Variants in HPSE2 observed in about 807,000 individuals in gnomAD.
The protein encoded by HPSE2 is heparanase 2 (inactive).
HPSE2 carries 38 observed loss-of-function variants against 60.5 expected under a neutral mutation model. That is an observed-to-expected ratio of 0.63 (90% CI 0.48 to 0.82). The LOEUF (loss-of-function observed/expected upper bound fraction) is 0.82, where lower values mean the gene tolerates loss of function less well. HPSE2 is among the 40% of genes least tolerant of loss of function. The probability of loss-of-function intolerance (pLI) is 0.00; values close to 1 mark genes in which losing one functional copy is unlikely to be tolerated. For missense variants in HPSE2, 713 were observed against 740.4 expected (o/e 0.96, Z 0.43); for synonymous variants, 295 against 293.2 (o/e 1.01, Z -0.06).
chr10:98,598,152 C>T (rs577231815), intron 9 of HPSE2, among the ~76,000 whole-genome samples: 21 of 151,480 alleles, frequency 1.4e-4, no homozygotes, highest in Non-Finnish European at 2.2e-4. Context: ...TTATATGTTA[C>T]CTGTTGCCTT....
At chr10:98,989,220 A>G (rs1466168536) in intron 3 of HPSE2, among the ~76,000 whole-genome samples, 1 of 152,208 alleles carries the variant, frequency 6.6e-6, no homozygotes, top group East Asian at 1.9e-4. Flanking sequence ...GGCACTATTC[A>G]CAACAGAAAA....
intron 2 of HPSE2, among the ~76,000 whole-genome samples, chr10:99,184,522 C>CAAAAAAAAAAAAAAA (rs200059066): frequency 2.1e-4 from 13 of 60,784 alleles, no homozygotes; most frequent in Admixed American, 4.0e-4. Context: ...GAGACTGTCT[C>CAAAAAAAAAAAAAAA]AAAAAAAAAA....
At chr10:99,121,796 T>C (rs967769136) in intron 3 of HPSE2, among the ~76,000 whole-genome samples, 1 of 152,142 alleles carries the variant, frequency 6.6e-6, no homozygotes, top group African/African-American at 2.4e-5. Flanking sequence ...ATCACACTTC[T>C]AGGAATTGTG....
At chr10:98,501,235 T>C (rs1480781169) in intron 9 of HPSE2, among the ~76,000 whole-genome samples, 1 of 151,578 alleles carries the variant, frequency 6.6e-6, no homozygotes, top group Non-Finnish European at 1.5e-5. Flanking sequence ...GGAAAGAACA[T>C]AACCAAAAAA....
the HPSE2 span, among the ~76,000 whole-genome samples, chr10:99,305,966 C>CGTGCGCGT: frequency 4.0e-5 from 4 of 100,890 alleles, no homozygotes; most frequent in African/African-American, 1.5e-4. Context: ...CACACACGCG[C>CGTGCGCGT]GCGCGCGCGC....
At chr10:98,560,469 C>A (rs11189677) in intron 9 of HPSE2, among the ~76,000 whole-genome samples, 3 of 152,060 alleles carry the variant, frequency 2.0e-5, no homozygotes, top group Admixed American at 2.0e-4. Context: ...GCCTGCCACT[C>A]CCTTGGGGAT....
At chr10:98,503,049 T>TAAA in intron 9 of HPSE2, among the ~76,000 whole-genome samples, 1 of 151,820 alleles carries the variant, frequency 6.6e-6, no homozygotes, top group African/African-American at 2.4e-5. Flanking sequence ...CCGTCTCTAT[T>TAAA]AAAAATACAA....
At chr10:99,279,660 A>G in the HPSE2 span, among the ~76,000 whole-genome samples, 1 of 152,250 alleles carries the variant, frequency 6.6e-6, no homozygotes, top group Non-Finnish European at 1.5e-5. Context: ...AGACAGAAGC[A>G]TTTAATAATC....
chr10:99,058,617 C>T (rs1450340562), intron 3 of HPSE2, among the ~76,000 whole-genome samples: 4 of 152,160 alleles, frequency 2.6e-5, no homozygotes, highest in Non-Finnish European at 4.4e-5. Flanking sequence ...ATACTGAGAT[C>T]CTCAGCTCTT....
intron 11 of HPSE2, among the ~76,000 whole-genome samples, chr10:98,469,282 G>A (rs1004767335): frequency 6.6e-6 from 1 of 152,178 alleles, no homozygotes; most frequent in Non-Finnish European, 1.5e-5. Flanking sequence ...AGTTTGGAAA[G>A]AAAATCTGAT....
intron 5 of HPSE2, among the ~76,000 whole-genome samples, chr10:98,711,604 A>T (rs574913935): frequency 6.7e-4 from 102 of 152,214 alleles, no homozygotes; most frequent in African/African-American, 2.3e-3. Context: ...AAAGAACAGA[A>T]CCTATTTCCC....
intron 3 of HPSE2, among the ~76,000 whole-genome samples, chr10:98,775,809 C>A (rs1271441359): frequency 6.6e-6 from 1 of 152,160 alleles, no homozygotes; most frequent in African/African-American, 2.4e-5. Context: ...AACTCACAGG[C>A]ATTTCAACTG....
intron 2 of HPSE2, among the ~76,000 whole-genome samples, chr10:99,218,347 G>C (rs1207240003): frequency 6.6e-6 from 1 of 151,652 alleles, no homozygotes; most frequent in Non-Finnish European, 1.5e-5. Flanking sequence ...TGGAAGGTGG[G>C]GGAGCATAGT....
chr10:99,239,963 T>C (rs1589858053), upstream of HPSE2, among the ~76,000 whole-genome samples: 1 of 151,828 alleles, frequency 6.6e-6, no homozygotes, highest in African/African-American at 2.4e-5. Context: ...TCGAGGTGGG[T>C]GGATCACCTG....
At position 98,630,232 on chromosome 10, in the gene HPSE2, C is replaced by T. The variant is rs376493289; in HGVS notation, c.1099-9524G>A. Among the ~76,000 whole-genome samples the T allele has an allele frequency of 1.4e-3, 202 of 144,038 alleles. 1 individual carries two copies. Among genetic ancestry groups the T allele is most frequent in the African/African-American group, 5.1e-3 (197 of 38,730 alleles). 94.5% of individuals were successfully genotyped at this position (144,038 alleles called of 152,430 possible). On this transcript the variant is annotated intron_variant, in intron 7 of 11. Coordinates refer to ENST00000370552, the MANE Select transcript of HPSE2 (RefSeq NM_021828.5). ...TTTGTTTTTGAGACAGAGTCTCGCT[C>T]TGTCACCCAGGCTGGAGTGCAGTGG...
At chr10:98,720,293 G>T (rs951014002) in intron 5 of HPSE2, among the ~76,000 whole-genome samples, 2 of 151,848 alleles carry the variant, frequency 1.3e-5, no homozygotes, top group African/African-American at 4.8e-5. Flanking sequence ...ACCAAATTTG[G>T]GGGATAAGAG....
intron 6 of HPSE2, among the ~76,000 whole-genome samples, chr10:98,688,465 C>CTTTTTTTTTTATTTTTTTTTTTTTTTT (rs1947977612): frequency 9.6e-6 from 1 of 103,858 alleles, no homozygotes; most frequent in Non-Finnish European, 1.8e-5. Context: ...TTTAGCATTT[C>CTTTTTTTTTTATTTTTTTTTTTTTTTT]TTTTTTTTTT....
At chr10:98,560,874 CAGTTG>C (rs1944154541) in intron 9 of HPSE2, among the ~76,000 whole-genome samples, 1 of 5,676 alleles carries the variant, frequency 1.8e-4, no homozygotes, top group Non-Finnish European at 1.1e-3. Context: ...GCCAGTTGTA[CAGTTG>C]TATAAAAGTA....
At chr10:98,710,081 C>G (rs1948639448) in intron 5 of HPSE2, among the ~76,000 whole-genome samples, 1 of 152,194 alleles carries the variant, frequency 6.6e-6, no homozygotes. Flanking sequence ...GAAAATAATT[C>G]ATCCTGAGTT....
Sources: gnomAD v4.1 joint callset for allele counts (sites outside exome capture counted in the v4.1 genomes callset) on GRCh38, gnomAD v4.1.1 for gene constraint, MANE v1.5 for transcripts, NCBI Gene and HGNC (gene_info 2026-07-23, HGNC 2026-07-21) for gene names.